PDZRN4: variants seen among roughly 807,000 people sequenced by gnomAD.
PDZRN4 encodes the protein PDZ domain-containing RING finger protein 4.
PDZRN4 carries 70 observed loss-of-function variants against 99.0 expected under a neutral mutation model. The observed-to-expected ratio is 0.71, with a 90% CI of 0.58 to 0.86. The LOEUF (loss-of-function observed/expected upper bound fraction) is 0.86. Ranked by LOEUF, PDZRN4 falls within the 40% of genes least tolerant of loss-of-function variation. The pLI, the probability that PDZRN4 is intolerant of heterozygous loss-of-function variation, is 0.00. For synonymous variants in PDZRN4, 551 were observed against 501.6 expected, an observed-to-expected ratio of 1.10 and a Z score of -1.32; for missense variants, 1,474 against 1,331.2, an observed-to-expected ratio of 1.11 and a Z score of -1.67.
Position 41,362,842 on chromosome 12 carries a change from A to G in PDZRN4, c.844-143614A>G, listed in dbSNP as rs150788752. On this transcript the variant is annotated intron_variant, in intron 3 of 9. Transcript: ENST00000402685. ...CTTCTAGCTATGATATTCCTACATT[A>G]ATTATGACTTTTATTAATCACAAAG... 1.8e-3 allele frequency among the ~76,000 whole-genome samples: 271 copies of G among 152,246 alleles called. 2 individuals carry two copies. Among genetic ancestry groups the G allele is most frequent in the East Asian group, 5.2e-3 (27 of 5,170 alleles).
At chr12:41,486,678 A>G (rs937568729) in intron 3 of PDZRN4, among the ~76,000 whole-genome samples, 11 of 151,656 alleles carry the variant, frequency 7.3e-5, no homozygotes, top group African/African-American at 9.7e-5. Context: ...GAAAATAGAG[A>G]AAAAAAAATC....
At chr12:41,322,487 C>CTTTTTTTTTTTTT (rs71081724) in intron 3 of PDZRN4, among the ~76,000 whole-genome samples, 2 of 91,210 alleles carry the variant, frequency 2.2e-5, no homozygotes, top group Non-Finnish European at 1.9e-5. Context: ...ATTTTCTTTC[C>CTTTTTTTTTTTTT]TTTTTTTTTT....
At chr12:41,530,874 T>G (rs550539776) in intron 5 of PDZRN4, among the ~76,000 whole-genome samples, 2 of 152,266 alleles carry the variant, frequency 1.3e-5, no homozygotes, top group Admixed American at 6.5e-5. Context: ...TCCCTTGTCC[T>G]TCTGGCAGAG....
At chr12:41,443,774 A>T (rs373506116) in intron 3 of PDZRN4, among the ~76,000 whole-genome samples, 1 of 152,196 alleles carries the variant, frequency 6.6e-6, no homozygotes, top group African/African-American at 2.4e-5. Flanking sequence ...GAGAGAAGAA[A>T]TAAAAGAAGG....
At chr12:41,243,600 G>A (rs1951114261) in intron 3 of PDZRN4, among the ~76,000 whole-genome samples, 1 of 151,930 alleles carries the variant, frequency 6.6e-6, no homozygotes, top group South Asian at 2.1e-4. Flanking sequence ...GTCCCTTTCT[G>A]TTCACAACTA....
chr12:41,513,804 T>C (rs1231462771), intron 5 of PDZRN4, among the ~76,000 whole-genome samples: 1 of 152,110 alleles, frequency 6.6e-6, no homozygotes, highest in Non-Finnish European at 1.5e-5. Context: ...TGCAACTGCC[T>C]GAGTGCAAGG....
chr12:41,284,327 A>AACT (rs1461567477), intron 3 of PDZRN4, among the ~76,000 whole-genome samples: 2 of 152,092 alleles, frequency 1.3e-5, no homozygotes, highest in African/African-American at 2.4e-5. Context: ...CCTCCTCAAG[A>AACT]ACTACAAACC....
intron 3 of PDZRN4, among the ~76,000 whole-genome samples, chr12:41,419,877 C>A (rs1379883680): frequency 1.3e-5 from 2 of 152,106 alleles, no homozygotes; most frequent in African/African-American, 2.4e-5. Context: ...AAGATCATTG[C>A]TTGGAACTGC....
chr12:41,461,206 C>CTT (rs5797736), intron 3 of PDZRN4, among the ~76,000 whole-genome samples: 39 of 149,924 alleles, frequency 2.6e-4, no homozygotes, highest in South Asian at 8.5e-4. Flanking sequence ...TATTACTTTC[C>CTT]TTTTTTTTTT....
intron 3 of PDZRN4, among the ~76,000 whole-genome samples, chr12:41,331,419 C>T (rs906734272): frequency 1.3e-5 from 2 of 151,568 alleles, no homozygotes; most frequent in African/African-American, 4.9e-5. Flanking sequence ...AGGGCTACAA[C>T]TAGAAATGGG....
Position 41,437,008 on chromosome 12 carries a change from G to A in PDZRN4, c.844-69448G>A, listed in dbSNP as rs78270822. Among the ~76,000 whole-genome samples the A allele has an allele frequency of 8.0e-3, 1,214 of 152,140 alleles. 18 individuals are homozygous for A. Among genetic ancestry groups the A allele is most frequent in the African/African-American group, 0.027 (1,124 of 41,510 alleles). On this transcript the variant is annotated intron_variant, in intron 3 of 9. Transcript: ENST00000402685. ...ACTTTTTGAATACAAATCTACATGC[G>A]TTATATGCTACAAATATATACTCAA...
chr12:41,214,252 T>TAAAAAAAAAAAAAAA (rs60618442), intron 3 of PDZRN4, among the ~76,000 whole-genome samples: 4 of 84,780 alleles, frequency 4.7e-5, no homozygotes, highest in Admixed American at 4.4e-4. Context: ...ACCCTGTATT[T>TAAAAAAAAAAAAAAA]AAAAAAAAAA....
chr12:41,270,180 T>C (rs1951304596), intron 3 of PDZRN4, among the ~76,000 whole-genome samples: 1 of 152,082 alleles, frequency 6.6e-6, no homozygotes, highest in Non-Finnish European at 1.5e-5. Flanking sequence ...TGTTATAAAT[T>C]AAATGCGCTA....
chr12:41,447,756 A>G (rs1952741082), intron 3 of PDZRN4, among the ~76,000 whole-genome samples: 1 of 152,098 alleles, frequency 6.6e-6, no homozygotes. Flanking sequence ...AGTTCAAACC[A>G]GGGTCTGCCT....
chr12:41,252,056 C>G (rs1365390615), intron 3 of PDZRN4, among the ~76,000 whole-genome samples: 1 of 151,924 alleles, frequency 6.6e-6, no homozygotes, highest in Non-Finnish European at 1.5e-5. Flanking sequence ...ATAGAGGATG[C>G]AGTAAGCCAT....
chr12:41,269,134 G>A (rs532100796), intron 3 of PDZRN4, among the ~76,000 whole-genome samples: 6 of 152,286 alleles, frequency 3.9e-5, no homozygotes, highest in African/African-American at 1.4e-4. Context: ...ACAGCAAACA[G>A]AATTGAGGTT....
In PDZRN4 at chr12:41,190,029, G is replaced by T. The variant is rs530782335; in HGVS notation, c.648+926G>T. Among the ~76,000 whole-genome samples the T allele has an allele frequency of 2.0e-5, 3 of 152,292 alleles. No homozygotes were observed. The South Asian group carries it at 6.2e-4, about 32-fold the overall frequency. ...GTTACTTCTCTCCTGGAGGACTTCTGCACAGTGTCTGACATTGTTGGTCGC... is the reference window on the plus strand; with the variant it reads ...GTTACTTCTCTCCTGGAGGACTTCTTCACAGTGTCTGACATTGTTGGTCGC... On this transcript the variant is annotated intron_variant, in intron 1 of 9. Coordinates refer to ENST00000402685, the MANE Select transcript of PDZRN4 (RefSeq NM_001164595.2).
chr12:41,194,981 A>G (rs940869860), intron 3 of PDZRN4, among the ~76,000 whole-genome samples: 5 of 152,138 alleles, frequency 3.3e-5, no homozygotes, highest in Non-Finnish European at 7.4e-5. Context: ...TGTTCCTGTC[A>G]TTATCTTTTA....
chr12:41,213,980 A>C (rs564434715), intron 3 of PDZRN4, among the ~76,000 whole-genome samples: 6 of 152,122 alleles, frequency 3.9e-5, no homozygotes, highest in Non-Finnish European at 7.4e-5. Flanking sequence ...ATATTTCAAA[A>C]AATTTAAAGC....
Sources: gnomAD v4.1 joint callset for allele counts (sites outside exome capture counted in the v4.1 genomes callset) on GRCh38, gnomAD v4.1.1 for gene constraint, MANE v1.5 for transcripts, NCBI Gene and HGNC (gene_info 2026-07-23, HGNC 2026-07-21) for gene names.